SLC7A8: variants seen among roughly 807,000 people sequenced by gnomAD.
SLC7A8 encodes the protein large neutral amino acids transporter small subunit 2.
Under a neutral mutation model 51.2 loss-of-function variants are expected in SLC7A8, and 30 were observed. The observed-to-expected ratio is 0.59, with a 90% CI of 0.44 to 0.80. The LOEUF is 0.80. Ranked by LOEUF, SLC7A8 falls within the 30% of genes least tolerant of loss-of-function variation. The probability of loss-of-function intolerance (pLI) is 0.00; values close to 1 mark genes in which losing one functional copy is unlikely to be tolerated. For missense variants in SLC7A8, 612 were observed against 674.4 expected, an observed-to-expected ratio of 0.91 and a Z score of 1.03; for synonymous variants, 257 against 275.8, an observed-to-expected ratio of 0.93 and a Z score of 0.67.
At position 23,128,475 on chromosome 14, in the gene SLC7A8, G is replaced by A; in HGVS notation, c.1264-279C>T. On this transcript the variant is annotated intron_variant, in intron 9 of 10. Transcript: ENST00000316902. The surrounding 1 kb of genome is among the most constrained non-coding windows in gnomAD (Gnocchi z 4.3). ...ATGTCCTCGCTCTTGGGTGTGGTTA[G>A]ACAAGGCCTCATCATGCATGCCATG... The A allele has an allele frequency of 9.9e-7, 1 of 1,011,288 alleles. No homozygotes were observed. 62.6% of individuals were successfully genotyped at this position (1,011,288 alleles called of 1,614,324 possible).
At chr14:23,142,949 A>T in intron 4 of SLC7A8, 130 bp downstream of exon 4, 1 of 1,208,476 alleles carries the variant, frequency 8.3e-7, no homozygotes, top group Non-Finnish European at 1.2e-6. Flanking sequence ...AGGGAAGAAG[A>T]AGAGAAGTCA....
chr14:23,130,684 C>T (rs2048624351), intron 8 of SLC7A8, among the ~76,000 whole-genome samples: 1 of 152,234 alleles, frequency 6.6e-6, no homozygotes, highest in South Asian at 2.1e-4. Flanking sequence ...TGACCTTCAT[C>T]CTGCATCTGA....
intron 1 of SLC7A8, among the ~76,000 whole-genome samples, chr14:23,171,631 C>T (rs570500587): frequency 6.6e-6 from 1 of 152,320 alleles, no homozygotes; most frequent in Admixed American, 6.5e-5. Flanking sequence ...CCTGGGGCTT[C>T]GAGGTTTTGG....
chr14:23,153,443 C>T (rs577551750), intron 3 of SLC7A8, among the ~76,000 whole-genome samples: 39 of 152,284 alleles, frequency 2.6e-4, no homozygotes, highest in African/African-American at 9.4e-4. Flanking sequence ...ATCATCTCTC[C>T]TCCTGCTTGG....
intron 3 of SLC7A8, among the ~76,000 whole-genome samples, chr14:23,144,992 G>C (rs2048779149): frequency 6.7e-6 from 1 of 150,222 alleles, no homozygotes; most frequent in Non-Finnish European, 1.5e-5. Flanking sequence ...GAGTGCAGTG[G>C]CGCGATCTCG....
intron 1 of SLC7A8, among the ~76,000 whole-genome samples, chr14:23,168,917 C>A (rs1012184958): frequency 6.6e-6 from 1 of 152,166 alleles, no homozygotes; most frequent in Non-Finnish European, 1.5e-5. Context: ...TTCTTGGAGG[C>A]CCCAACCTTT....
At chr14:23,182,129 A>G (rs544890722) in intron 1 of SLC7A8, among the ~76,000 whole-genome samples, 4 of 152,338 alleles carry the variant, frequency 2.6e-5, no homozygotes, top group South Asian at 4.1e-4. Flanking sequence ...CAACTGGAGA[A>G]ACTGCAAACT....
chr14:23,172,774 A>T (rs1045540549), intron 1 of SLC7A8, among the ~76,000 whole-genome samples: 4 of 152,210 alleles, frequency 2.6e-5, no homozygotes, highest in Non-Finnish European at 5.9e-5. Context: ...ACTGCTAAAC[A>T]TCCTACAATA....
At chr14:23,166,205 T>A in intron 2 of SLC7A8, 131 bp downstream of exon 2, 1 of 893,530 alleles carries the variant, frequency 1.1e-6, no homozygotes, top group Non-Finnish European at 1.7e-6. Context: ...GAAGAGACAT[T>A]CCATTCACTA....
At position 23,128,462 on chromosome 14, in the gene SLC7A8, T is replaced by G; in HGVS notation, c.1264-266A>C. On this transcript the variant is annotated intron_variant, in intron 9 of 10. Transcript: ENST00000316902. This position sits in a 1 kb window ranked among gnomAD's most constrained non-coding sequence, Gnocchi z 4.3. ...ATCCTCCTTGCCCATGTCCTCGCTC[T>G]TGGGTGTGGTTAGACAAGGCCTCAT... is the stretch of plus-strand genomic sequence containing the variant. The G allele has an allele frequency of 8.5e-7, 1 of 1,170,440 alleles. No homozygotes were observed. The highest frequency in any genetic ancestry group is 1.2e-6 in the Non-Finnish European group (1 of 843,932). The allele number at this position is 1,170,440 out of a possible 1,614,324, so 72.5% of individuals were successfully genotyped here. A position where few individuals can be genotyped will look rare whatever the true frequency, so the allele number is the denominator to read the frequency against.
chr14:23,174,801 G>T (rs1330981729), intron 1 of SLC7A8, among the ~76,000 whole-genome samples: 1 of 152,228 alleles, frequency 6.6e-6, no homozygotes, highest in East Asian at 1.9e-4. Flanking sequence ...ACGCGTTCTG[G>T]AAGGGGAAAG....
intron 1 of SLC7A8, among the ~76,000 whole-genome samples, chr14:23,172,689 G>A (rs35242233): frequency 0.12 from 17,665 of 152,224 alleles, 1,331 homozygotes; most frequent in East Asian, 0.44. Context: ...ACAGCTGGCC[G>A]TATCTGGAGA....
Position 23,128,496 on chromosome 14 carries a change from C to A in SLC7A8, c.1264-300G>T. On this transcript the variant is annotated intron_variant, in intron 9 of 10. Coordinates refer to ENST00000316902, the MANE Select transcript of SLC7A8 (RefSeq NM_012244.4). The surrounding 1 kb of genome is among the most constrained non-coding windows in gnomAD (Gnocchi z 4.3). ...GTTAGACAAGGCCTCATCATGCATG[C>A]CATGTGCCCGTGGCAGCCAGAGAAG... 1.3e-6 allele frequency: 1 copy of A among 776,940 alleles called. No homozygotes were observed. The allele number at this position is 776,940 out of a possible 1,614,324, so 48.1% of individuals were successfully genotyped here.
At chr14:23,129,908 G>T in intron 8 of SLC7A8, 109 bp from the exon 9 acceptor site, 2 of 1,242,720 alleles carry the variant, frequency 1.6e-6, no homozygotes, top group Non-Finnish European at 2.3e-6. Context: ...ATCGTATAAT[G>T]GATGTCTCGA....
chr14:23,178,199 T>A (rs991012470), intron 1 of SLC7A8, among the ~76,000 whole-genome samples: 1 of 152,194 alleles, frequency 6.6e-6, no homozygotes, highest in African/African-American at 2.4e-5. Context: ...ATACTAAGTG[T>A]TTAATAAACA....
chr14:23,155,460 C>G (rs968567272), intron 3 of SLC7A8: 46 of 1,425,060 alleles, frequency 3.2e-5, no homozygotes, highest in Non-Finnish European at 4.1e-5. Flanking sequence ...AATCACCACC[C>G]AGTATTTAGC....
At chr14:23,181,901 T>C (rs113081874) in intron 1 of SLC7A8, among the ~76,000 whole-genome samples, 1 of 152,358 alleles carries the variant, frequency 6.6e-6, no homozygotes, top group East Asian at 1.9e-4. Flanking sequence ...TTGGGACTCC[T>C]GCCCTGCAAA....
intron 3 of SLC7A8, among the ~76,000 whole-genome samples, chr14:23,160,245 TAAC>T (rs138932709): frequency 0.016 from 2,366 of 152,184 alleles, 73 homozygotes; most frequent in African/African-American, 0.055. Context: ...GAGACCCAGG[TAAC>T]AGCCAAAAGA....
At chr14:23,137,894 C>T (rs376305944) in intron 7 of SLC7A8, 27 bp downstream of exon 7, 10 of 1,609,756 alleles carry the variant, frequency 6.2e-6, no homozygotes, top group Non-Finnish European at 7.6e-6. Context: ...TGGCCCCTGG[C>T]CGGGGAAGGG....
Sources: allele counts gnomAD v4.1 joint callset (sites outside exome capture counted in the v4.1 genomes callset), GRCh38; gene constraint gnomAD v4.1.1; non-coding constraint Gnocchi (gnomAD v3.1); transcripts MANE v1.5; gene names NCBI Gene and HGNC (gene_info 2026-07-23, HGNC 2026-07-21).